Variants in ZRANB2 observed in about 807,000 individuals in gnomAD.
ZRANB2 encodes the protein zinc finger Ran-binding domain-containing protein 2.
Under a neutral mutation model 53.4 loss-of-function variants are expected in ZRANB2, and 19 were observed. The observed-to-expected ratio is 0.36, with a 90% CI of 0.25 to 0.52. ZRANB2 has a LOEUF of 0.52. Among genes scored for constraint, ZRANB2 ranks in the 20% least tolerant of loss-of-function variants. The pLI is 0.93. For missense variants in ZRANB2, 309 were observed against 401.1 expected (o/e 0.77, Z 1.96); for synonymous variants, 145 against 134.8 (o/e 1.08, Z -0.52).
rs1393822879 is a variant in ZRANB2, at chr1:71,078,639, CTT to C, written c.109+15_109+16del. 4.3e-6 allele frequency: 7 copies of C among 1,610,918 alleles called. No homozygotes were observed. In the Admixed American group the frequency reaches 1.2e-4, roughly 27 times the overall value. Reference sequence around the variant, plus strand: ...GATACATATACAGTATAAATAGAATCTTCTTTAAATACTTACCCCGACCACAT... The same window carrying C: ...GATACATATACAGTATAAATAGAATCCTTTAAATACTTACCCCGACCACAT... On this transcript the variant is annotated intron_variant, in intron 2 of 9. Coordinates refer to ENST00000370920, the MANE Select transcript of ZRANB2 (RefSeq NM_203350.3).
intron 4 of ZRANB2, among the ~76,000 whole-genome samples, chr1:71,076,210 C>T (rs1325700384): frequency 6.6e-6 from 1 of 152,174 alleles, no homozygotes; most frequent in East Asian, 1.9e-4. Context: ...ATTAGGTAAA[C>T]ATTTTCATTT....
intron 1 of ZRANB2, among the ~76,000 whole-genome samples, chr1:71,080,478 T>C (rs1027795680): frequency 6.6e-6 from 1 of 152,070 alleles, no homozygotes; most frequent in African/African-American, 2.4e-5. Context: ...AGGAAAAGTT[T>C]GAGTAAAAAT....
In ZRANB2 at chr1:71,063,573, T is replaced by G. The variant is rs537358351; in HGVS notation, c.*1501A>C. The stretch of plus-strand genomic sequence containing the variant: ...TAGATCGTCGGGGCAATTTAGAAGG[T>G]AGACTTTCAAAAAGTCTGAGGCACA... On this transcript the variant is annotated 3_prime_UTR_variant, in exon 10 of 10. Transcript: ENST00000370920. 3.9e-5 allele frequency: 6 copies of G among 152,566 alleles called. No individual in the cohort carries two copies. The East Asian group carries it at 1.2e-3, about 29-fold the overall frequency. The allele number at this position is 152,566 out of a possible 1,614,324, so 9.5% of individuals were successfully genotyped here. A position where few individuals can be genotyped will look rare whatever the true frequency, so the allele number is the denominator to read the frequency against.
At chr1:71,072,334 ATATT>A in intron 5 of ZRANB2, 79 bp from the exon 6 acceptor site, 1 of 1,462,968 alleles carries the variant, frequency 6.8e-7, no homozygotes, top group Non-Finnish European at 9.2e-7. Flanking sequence ...ATTATTTTAG[ATATT>A]TATGATTTCC....
intron 4 of ZRANB2, among the ~76,000 whole-genome samples, chr1:71,076,517 T>C (rs1661713580): frequency 6.6e-6 from 1 of 152,166 alleles, no homozygotes; most frequent in Non-Finnish European, 1.5e-5. Flanking sequence ...ATAACAAACA[T>C]GCAAACCAGT....
In ZRANB2 at chr1:71,064,036, A is replaced by G. The variant is rs1661364786; in HGVS notation, c.*1038T>C. On this transcript the variant is annotated 3_prime_UTR_variant, in exon 10 of 10. Transcript: ENST00000370920. ...ATTTTAATTTTGAGAAATAAACTCC[A>G]AAAGCATTTTAAGCCATAACTTATT... 1 of 152,466 alleles carries G rather than the reference A, an allele frequency of 6.6e-6. No homozygotes were observed. The allele number at this position is 152,466 out of a possible 1,614,324, so 9.4% of individuals were successfully genotyped here.
chr1:71,068,675 T>C (rs1245977554), intron 8 of ZRANB2, among the ~76,000 whole-genome samples: 2 of 152,170 alleles, frequency 1.3e-5, no homozygotes, highest in African/African-American at 2.4e-5. Flanking sequence ...TTTCTGAAAA[T>C]ATTGAAACAA....
intron 4 of ZRANB2, among the ~76,000 whole-genome samples, chr1:71,074,717 T>C (rs934936684): frequency 6.7e-6 from 1 of 150,186 alleles, no homozygotes; most frequent in Non-Finnish European, 1.5e-5. Flanking sequence ...AACAGAGAAG[T>C]AAATTACTGA....
chr1:71,065,512 G>A (rs907804609), intron 9 of ZRANB2, among the ~76,000 whole-genome samples: 1 of 152,064 alleles, frequency 6.6e-6, no homozygotes, highest in African/African-American at 2.4e-5. Flanking sequence ...GTGACACGGT[G>A]TAGAAAGTGT....
chr1:71,076,650 G>GA (rs149010919), intron 4 of ZRANB2, 145 bp downstream of exon 4: 158 of 663,178 alleles, frequency 2.4e-4, no homozygotes, highest in Admixed American at 5.1e-4. Flanking sequence ...TGTATGGGGG[G>GA]AAAAAAATCC....
intron 4 of ZRANB2, among the ~76,000 whole-genome samples, chr1:71,076,074 G>T (rs1661704044): frequency 6.6e-6 from 1 of 152,120 alleles, no homozygotes; most frequent in African/African-American, 2.4e-5. Context: ...AAGTCTGACA[G>T]GGTGACTAGA....
intron 4 of ZRANB2, 99 bp from the exon 5 acceptor site, chr1:71,072,647 C>T (rs1269902154): frequency 1.1e-5 from 9 of 818,082 alleles, no homozygotes; most frequent in East Asian, 2.6e-5. Flanking sequence ...ATCTAATCAA[C>T]AATGGCTGCC....
rs147339985 is a variant in ZRANB2, at chr1:71,070,465, CT to C, written c.683+361del. On this transcript the variant is annotated intron_variant, in intron 7 of 9. Transcript: ENST00000370920. ...ATGCCTAGAAAATTTCTGTGCTAGC[CT>C]TTAACATCTTGAATGAAAATACAGA... Among the ~76,000 whole-genome samples the C allele has an allele frequency of 9.1e-3, 1,385 of 152,162 alleles. 32 individuals are homozygous for C. Among genetic ancestry groups the C allele is most frequent in the African/African-American group, 0.031 (1,308 of 41,536 alleles).
intron 4 of ZRANB2, among the ~76,000 whole-genome samples, chr1:71,074,501 C>T (rs764223208): frequency 6.6e-6 from 1 of 152,070 alleles, no homozygotes; most frequent in Non-Finnish European, 1.5e-5. Context: ...ATAACATGTA[C>T]TTCAAAGGAA....
At chr1:71,067,715 C>A in intron 8 of ZRANB2, 1 of 421,324 alleles carries the variant, frequency 2.4e-6, no homozygotes, top group Non-Finnish European at 4.7e-6. Flanking sequence ...AAGTTACAAG[C>A]AATGAAAAAA....
intron 8 of ZRANB2, among the ~76,000 whole-genome samples, chr1:71,068,191 A>C (rs1417756222): frequency 6.6e-6 from 1 of 152,152 alleles, no homozygotes; most frequent in African/African-American, 2.4e-5. Context: ...ATTGGCTTAT[A>C]ATGCAAGTGT....
chr1:71,067,516 CACT>C (rs1461831452), intron 8 of ZRANB2: 20 of 316,802 alleles, frequency 6.3e-5, no homozygotes, highest in Non-Finnish European at 9.5e-5. Flanking sequence ...TATGAAAACC[CACT>C]ACTTATGAAA....
At chr1:71,070,377 G>A (rs891254492) in intron 7 of ZRANB2, among the ~76,000 whole-genome samples, 7 of 152,028 alleles carry the variant, frequency 4.6e-5, no homozygotes, top group Admixed American at 3.3e-4. Flanking sequence ...AATTTGCTCC[G>A]TTATTCACAA....
intron 1 of ZRANB2, among the ~76,000 whole-genome samples, chr1:71,079,235 A>C (rs1298384240): frequency 6.6e-6 from 1 of 152,084 alleles, no homozygotes; most frequent in Admixed American, 6.5e-5. Flanking sequence ...ATTGTAAGAA[A>C]ACTGAGTTTT....
Sources: allele counts gnomAD v4.1 joint callset (sites outside exome capture counted in the v4.1 genomes callset), GRCh38; gene constraint gnomAD v4.1.1; transcripts MANE v1.5; gene names NCBI Gene and HGNC (gene_info 2026-07-23, HGNC 2026-07-21).